The following EVA1A variants were observed in gnomAD, a reference collection of about 807,000 sequenced individuals.
The protein encoded by EVA1A is protein eva-1 homolog A.
Under a neutral mutation model 9.8 loss-of-function variants are expected in EVA1A, and 7 were observed. That is an observed-to-expected ratio of 0.71 (90% confidence interval 0.41 to 1.34). The LOEUF is 1.34. EVA1A is among the 40% of genes most tolerant of loss of function. The probability of loss-of-function intolerance (pLI) is 0.01; values close to 1 mark genes in which losing one functional copy is unlikely to be tolerated. For missense variants in EVA1A, 206 were observed against 205.9 expected (o/e 1.00, Z 0.00); for synonymous variants, 90 against 85.6 (o/e 1.05, Z -0.28).
intron 3 of EVA1A, among the ~76,000 whole-genome samples, chr2:75,499,270 C>A (rs1674326932): frequency 6.6e-6 from 1 of 152,108 alleles, no homozygotes; most frequent in African/African-American, 2.4e-5. Context: ...CCTCACTGGA[C>A]CTTCAAGACT....
rs191426583 is a variant in EVA1A at position 75,499,741 on chromosome 2, C to T, written c.86-6132G>A. Among the ~76,000 whole-genome samples the T allele has an allele frequency of 2.1e-3, 321 of 152,240 alleles. 2 individuals carry two copies. Among genetic ancestry groups the T allele is most frequent in the African/African-American group, 6.9e-3 (288 of 41,512 alleles). ...AATAAGGTCATTCTACTCAGGGTGA[C>T]GGCTGGTCAGGGAGCCCAGGTTGCT... On this transcript the variant is annotated intron_variant, in intron 3 of 3. Transcript: ENST00000393913.
chr2:75,500,273 TGTC>T (rs1441142563), intron 3 of EVA1A, among the ~76,000 whole-genome samples: 4 of 152,218 alleles, frequency 2.6e-5, no homozygotes, highest in Non-Finnish European at 2.9e-5. Context: ...CTAATCATGT[TGTC>T]AGCTGATAAA....
chr2:75,563,765 G>T (rs898091257), upstream of EVA1A, among the ~76,000 whole-genome samples: 4 of 152,224 alleles, frequency 2.6e-5, no homozygotes, highest in South Asian at 8.3e-4. Context: ...AGTCCCATTC[G>T]CTTGTTATGG....
rs1191174374 is a variant in EVA1A at position 75,493,085 on chromosome 2, GC to G, written c.*150del. The G allele has an allele frequency of 1.1e-5, 13 of 1,163,276 alleles. No individual in the cohort carries two copies. The highest frequency in any genetic ancestry group is 1.4e-5 in the Non-Finnish European group (12 of 829,264). 72.1% of individuals were successfully genotyped at this position (1,163,276 alleles called of 1,614,324 possible). Reference sequence around the variant, plus strand: ...TCTCCATACATTTGGCCAAAAAGGAGCAATCCTCCTGGCTAGAAAAGGGGCA... The same window carrying G: ...TCTCCATACATTTGGCCAAAAAGGAGAATCCTCCTGGCTAGAAAAGGGGCA... On this transcript the variant is annotated 3_prime_UTR_variant, in exon 4 of 4. Coordinates refer to ENST00000393913, the MANE Select transcript of EVA1A (RefSeq NM_001135032.2).
intron 3 of EVA1A, among the ~76,000 whole-genome samples, chr2:75,509,797 AG>A (rs1257106568): frequency 6.6e-6 from 1 of 152,134 alleles, no homozygotes; most frequent in Non-Finnish European, 1.5e-5. Flanking sequence ...ATGATTGTTA[AG>A]GGGGGTAATT....
At chr2:75,557,456 G>A (rs1328497311) in intron 1 of EVA1A, among the ~76,000 whole-genome samples, 2 of 152,180 alleles carry the variant, frequency 1.3e-5, no homozygotes, top group Non-Finnish European at 1.5e-5. Context: ...TACAATACAT[G>A]GAGAGAAGGT....
At chr2:75,540,474 T>G (rs1328555881) in intron 1 of EVA1A, among the ~76,000 whole-genome samples, 1 of 152,154 alleles carries the variant, frequency 6.6e-6, no homozygotes, top group Non-Finnish European at 1.5e-5. Flanking sequence ...ATAAAGCAAA[T>G]GTTGAGTTTC....
At chr2:75,517,307 T>C (rs980693484) in intron 3 of EVA1A, among the ~76,000 whole-genome samples, 4 of 152,106 alleles carry the variant, frequency 2.6e-5, no homozygotes, top group Non-Finnish European at 4.4e-5. Context: ...CCCTTCCTTT[T>C]TATACAATAT....
At chr2:75,506,672 C>G (rs1397291471) in intron 3 of EVA1A, among the ~76,000 whole-genome samples, 1 of 152,154 alleles carries the variant, frequency 6.6e-6, no homozygotes, top group South Asian at 2.1e-4. Context: ...TCTGGAGCAG[C>G]AATTTTACTG....
intron 1 of EVA1A, among the ~76,000 whole-genome samples, chr2:75,546,507 T>A (rs904524308): frequency 1.3e-5 from 2 of 152,068 alleles, no homozygotes; most frequent in African/African-American, 4.8e-5. Flanking sequence ...TAAAAGCATA[T>A]GTAAATATAG....
chr2:75,495,264 A>C (rs1054996332), intron 3 of EVA1A, among the ~76,000 whole-genome samples: 1 of 152,232 alleles, frequency 6.6e-6, no homozygotes, highest in African/African-American at 2.4e-5. Context: ...ACAGAAAATA[A>C]AACAATGGGC....
At chr2:75,497,741 C>T (rs1408494975) in intron 3 of EVA1A, among the ~76,000 whole-genome samples, 2 of 145,648 alleles carry the variant, frequency 1.4e-5, no homozygotes, top group Non-Finnish European at 3.0e-5. Context: ...GTCCCAGCTA[C>T]TTCTGGGGCT....
chr2:75,503,009 C>T (rs182849714), intron 3 of EVA1A, among the ~76,000 whole-genome samples: 4 of 152,272 alleles, frequency 2.6e-5, no homozygotes, highest in Admixed American at 1.3e-4. Context: ...ACTGTTCTGC[C>T]TCTGTAGCTT....
At chr2:75,523,797 G>A (rs1401351411) in intron 1 of EVA1A, among the ~76,000 whole-genome samples, 1 of 152,168 alleles carries the variant, frequency 6.6e-6, no homozygotes, top group Non-Finnish European at 1.5e-5. Context: ...AATGCTCAGG[G>A]ACTGTTTGCT....
At chr2:75,496,512 C>T (rs1231316046) in intron 3 of EVA1A, among the ~76,000 whole-genome samples, 2 of 152,160 alleles carry the variant, frequency 1.3e-5, no homozygotes, top group African/African-American at 2.4e-5. Context: ...TTACAAAACA[C>T]TGCTGAAAGA....
upstream of EVA1A, among the ~76,000 whole-genome samples, chr2:75,562,078 G>A (rs539406818): frequency 2.0e-5 from 3 of 152,158 alleles, no homozygotes; most frequent in South Asian, 2.1e-4. Context: ...CCCTCGGGCC[G>A]CACTTGAACC....
chr2:75,498,552 T>C (rs1371255941), intron 3 of EVA1A, among the ~76,000 whole-genome samples: 1 of 152,234 alleles, frequency 6.6e-6, no homozygotes, highest in African/African-American at 2.4e-5. Flanking sequence ...CCTTCTGCAC[T>C]ACCTCTTCAA....
chr2:75,518,453 T>C (rs767376647), intron 2 of EVA1A, among the ~76,000 whole-genome samples: 1 of 152,072 alleles, frequency 6.6e-6, no homozygotes, highest in African/African-American at 2.4e-5. Flanking sequence ...CTAGCCAGGC[T>C]CCTAAAGAAA....
Position 75,523,271 on chromosome 2 carries a change from G to A in EVA1A, c.-191-784C>T, listed in dbSNP as rs182311104. Among the ~76,000 whole-genome samples the A allele has an allele frequency of 2.0e-4, 31 of 152,304 alleles. No homozygotes were observed. The East Asian group carries it at 6.0e-3, about 29-fold the overall frequency. On this transcript the variant is annotated intron_variant, in intron 1 of 3. Coordinates refer to ENST00000393913, the MANE Select transcript of EVA1A (RefSeq NM_001135032.2). ...TTAATTTTACAGGTCAAGAAAATAA[G>A]GGCAAGAAAGAAAAGGAAACTGGAA...
Sources: allele counts gnomAD v4.1 joint callset (sites outside exome capture counted in the v4.1 genomes callset), GRCh38; gene constraint gnomAD v4.1.1; transcripts MANE v1.5; gene names NCBI Gene and HGNC (gene_info 2026-07-23, HGNC 2026-07-21).